Variants in CERK observed in about 807,000 individuals in gnomAD.
CERK encodes acylsphingosine kinase.
A neutral mutation model predicts 63.4 loss-of-function variants in CERK; 39 were observed. That is an observed-to-expected ratio of 0.61 (90% CI 0.48 to 0.80). CERK has a LOEUF of 0.80. Ranked by LOEUF, CERK falls within the 30% of genes least tolerant of loss-of-function variation. The pLI is 0.00. For synonymous variants in CERK, 302 were observed against 280.0 expected (o/e 1.08, Z -0.78); for missense variants, 670 against 714.1 (o/e 0.94, Z 0.70).
At chr22:46,727,477 GTCTC>G (rs1345598325) in intron 1 of CERK, among the ~76,000 whole-genome samples, 1 of 149,140 alleles carries the variant, frequency 6.7e-6, no homozygotes, top group African/African-American at 2.5e-5. Context: ...GAGAGATGGG[GTCTC>G]TCTGTGTTGC....
intron 6 of CERK, among the ~76,000 whole-genome samples, chr22:46,707,413 C>A (rs558324843): frequency 6.6e-6 from 1 of 152,172 alleles, no homozygotes; most frequent in Non-Finnish European, 1.5e-5. Flanking sequence ...CCCTTGGTTC[C>A]GCCCCCACCT....
At chr22:46,699,816 C>T (rs1386879233) in intron 7 of CERK, among the ~76,000 whole-genome samples, 2 of 152,240 alleles carry the variant, frequency 1.3e-5, no homozygotes, top group Non-Finnish European at 1.5e-5. Flanking sequence ...AAGCCGAGTG[C>T]AGTGGTTCAC....
intron 6 of CERK, among the ~76,000 whole-genome samples, chr22:46,707,428 CA>C (rs2082818478): frequency 6.6e-6 from 1 of 152,178 alleles, no homozygotes; most frequent in African/African-American, 2.4e-5. Context: ...CCACCTTTCC[CA>C]CTCAGTCTCC....
At chr22:46,699,102 A>G (rs531996219) in intron 8 of CERK, among the ~76,000 whole-genome samples, 32 of 151,944 alleles carry the variant, frequency 2.1e-4, no homozygotes, top group African/African-American at 7.7e-4. Context: ...GCTTGGGTCC[A>G]GGGGGCAGGA....
chr22:46,698,599 T>C (rs2082767782), intron 8 of CERK, among the ~76,000 whole-genome samples: 1 of 152,208 alleles, frequency 6.6e-6, no homozygotes, highest in Non-Finnish European at 1.5e-5. Flanking sequence ...TATAAAACTA[T>C]TGTTTTACAG....
chr22:46,706,683 G>A (rs1393619746), intron 6 of CERK, among the ~76,000 whole-genome samples: 3 of 152,164 alleles, frequency 2.0e-5, no homozygotes, highest in Admixed American at 1.3e-4. Flanking sequence ...GTAACCAGAC[G>A]ATCATCCTTT....
intron 9 of CERK, chr22:46,693,874 C>T (rs1207059088): frequency 2.0e-5 from 6 of 294,434 alleles, no homozygotes; most frequent in Admixed American, 9.5e-5. Flanking sequence ...TTTCAGAAAA[C>T]AAATCATACA....
At chr22:46,719,838 C>T (rs1318844693) in intron 3 of CERK, among the ~76,000 whole-genome samples, 4 of 152,202 alleles carry the variant, frequency 2.6e-5, no homozygotes, top group Non-Finnish European at 5.9e-5. Context: ...GGTAAGTGAC[C>T]CGCCCCCAGG....
At position 46,693,352 on chromosome 22, in the gene CERK, G is replaced by C. The variant is rs1257242314; in HGVS notation, c.1126+75C>G. 3 of 1,204,010 alleles carry C rather than the reference G, an allele frequency of 2.5e-6. No individual in the cohort carries two copies. In the African/African-American group the frequency reaches 4.5e-5, roughly 18 times the overall value. 74.6% of individuals were successfully genotyped at this position (1,204,010 alleles called of 1,614,324 possible). On this transcript the variant is annotated intron_variant, in intron 10 of 12. Transcript: ENST00000216264. ...CACAGGTGGGCAGGGAGAAGAGGCA[G>C]TGCCCTGAGAGAGGACAGAAACCCG...
intron 3 of CERK, among the ~76,000 whole-genome samples, chr22:46,716,932 C>A (rs900186523): frequency 6.8e-6 from 1 of 146,352 alleles, no homozygotes; most frequent in East Asian, 1.9e-4. Context: ...GAGACTCTGT[C>A]CCCCCACCAA....
At position 46,695,293 on chromosome 22, in the gene CERK, G is replaced by A; in HGVS notation, c.966C>T (p.His322=). 6.2e-7 allele frequency: 1 copy of A among 1,608,202 alleles called. No individual in the cohort carries two copies. Among genetic ancestry groups the A allele is most frequent in the African/African-American group, 1.3e-5 (1 of 74,954 alleles). ...DFSGLKTFLS[H]HCYEGTVSFL... The stretch of plus-strand genomic sequence containing the variant: ...AGGACACTGTCCCTTCATAGCAGTG[G>A]TGGGAGAGGAAGGTCTTTAAACCTG... Residue 322 remains histidine (H), a synonymous_variant, in exon 9 of 13, where the codon CAC becomes CAT. Transcript: ENST00000216264.
At chr22:46,691,176 G>A (rs1316658612) in intron 11 of CERK, among the ~76,000 whole-genome samples, 1 of 152,132 alleles carries the variant, frequency 6.6e-6, no homozygotes, top group Non-Finnish European at 1.5e-5. Flanking sequence ...CTGGGTTCAA[G>A]CGATTCTCAT....
chr22:46,719,984 G>A (rs1272259794), intron 3 of CERK, 102 bp downstream of exon 3: 18 of 1,474,660 alleles, frequency 1.2e-5, no homozygotes, highest in Non-Finnish European at 1.7e-5. Context: ...CCTGGGGTAT[G>A]GCCAGCTGCA....
intron 10 of CERK, among the ~76,000 whole-genome samples, chr22:46,692,358 A>G (rs139947640): frequency 0.018 from 2,670 of 150,196 alleles, 74 homozygotes; most frequent in African/African-American, 0.063. Flanking sequence ...CCCGGAAGGC[A>G]GAGGTTGCAG....
chr22:46,721,772 G>A (rs968845791), intron 1 of CERK, among the ~76,000 whole-genome samples: 1 of 152,148 alleles, frequency 6.6e-6, no homozygotes, highest in Non-Finnish European at 1.5e-5. Flanking sequence ...CAAGTGTGGC[G>A]CGAACTGGAG....
intron 1 of CERK, among the ~76,000 whole-genome samples, chr22:46,736,037 G>A (rs984320315): frequency 3.3e-5 from 5 of 152,138 alleles, no homozygotes; most frequent in African/African-American, 1.2e-4. Context: ...CACCAGCCAG[G>A]GCCCCACCAT....
intron 6 of CERK, among the ~76,000 whole-genome samples, chr22:46,705,705 C>T (rs189907301): frequency 5.9e-5 from 9 of 151,916 alleles, no homozygotes; most frequent in Admixed American, 4.6e-4. Context: ...AGAACTGGAA[C>T]GCCTCTTGAA....
Position 46,686,664 on chromosome 22 carries a change from G to A in CERK, c.*470C>T. 1 of 172,470 alleles carries A rather than the reference G, an allele frequency of 5.8e-6. No individual in the cohort carries two copies. The allele number at this position is 172,470 out of a possible 1,614,324, so 10.7% of individuals were successfully genotyped here. On this transcript the variant is annotated 3_prime_UTR_variant, in exon 13 of 13. Transcript: ENST00000216264. ...CCTAACCGTAAACGAAGAGGAAGGT[G>A]AAATGAAGGCAAAGAGAATCAACCA...
rs745853899 is a variant in CERK, at chr22:46,687,116, GA to G, written c.*17del. 1.9e-6 allele frequency: 3 copies of G among 1,611,132 alleles called. No individual in the cohort carries two copies. The highest frequency in any genetic ancestry group is 2.5e-6 in the Non-Finnish European group (3 of 1,177,424). On this transcript the variant is annotated 3_prime_UTR_variant, in exon 13 of 13. Coordinates refer to ENST00000216264, the MANE Select transcript of CERK (RefSeq NM_022766.6). ...TAGTTTTCACACTTTCCCAGTTTGT[GA>G]GCAGGACGCCGGCTTCTCAGCTGTG...
Sources: allele counts gnomAD v4.1 joint callset (sites outside exome capture counted in the v4.1 genomes callset), GRCh38; gene constraint gnomAD v4.1.1; transcripts MANE v1.5; gene names NCBI Gene and HGNC (gene_info 2026-07-23, HGNC 2026-07-21).